The following SPATA13 variants were observed in gnomAD, a reference collection of about 807,000 sequenced individuals.
The protein encoded by SPATA13 is spermatogenesis associated 13.
Under a neutral mutation model 104.0 loss-of-function variants are expected in SPATA13, and 50 were observed. That is an observed-to-expected ratio of 0.48 (90% confidence interval 0.38 to 0.61). The LOEUF is 0.61. Ranked by LOEUF, SPATA13 falls within the 20% of genes least tolerant of loss-of-function variation. The probability of loss-of-function intolerance (pLI) is 0.00; values close to 1 mark genes in which losing one functional copy is unlikely to be tolerated. For missense variants in SPATA13, 1,524 were observed against 1,690.6 expected (o/e 0.90, Z 1.73); for synonymous variants, 606 against 667.5 (o/e 0.91, Z 1.42).
In SPATA13 at chr13:24,030,221, A is replaced by G. The variant is rs1010107817; in HGVS notation, c.-112+12520A>G. Among the ~76,000 whole-genome samples, 11 of 152,150 alleles carry G rather than the reference A, an allele frequency of 7.2e-5. No homozygotes were observed. In the South Asian group the frequency reaches 1.2e-3, roughly 17 times the overall value. On this transcript the variant is annotated intron_variant, in intron 3 of 14. Transcript: ENST00000424834. Reference sequence around the variant, plus strand: ...GTCCCTAGTTGACATTAGGGTTCACACTTGGTGTTGTACATTCACTGGTGT... The same window carrying G: ...GTCCCTAGTTGACATTAGGGTTCACGCTTGGTGTTGTACATTCACTGGTGT...
At chr13:24,078,410 C>T (rs912151) in intron 3 of SPATA13, among the ~76,000 whole-genome samples, 31,488 of 152,176 alleles carry the variant, frequency 0.21, 3,480 homozygotes, top group South Asian at 0.39. Context: ...CTCACAGTAA[C>T]AGTCTGAAGT....
intron 2 of SPATA13, among the ~76,000 whole-genome samples, chr13:23,993,146 G>A (rs17079704): frequency 0.14 from 21,496 of 152,144 alleles, 1,879 homozygotes; most frequent in Admixed American, 0.26. Flanking sequence ...CTGCTGTGGC[G>A]AAGGTCGTGG....
intron 1 of SPATA13, among the ~76,000 whole-genome samples, chr13:24,173,368 GTGT>G (rs1389127528): frequency 0.027 from 522 of 19,230 alleles, 1 homozygote; most frequent in African/African-American, 0.041. Flanking sequence ...TTAGTTGTGT[GTGT>G]GTGTGTGTGT....
In SPATA13 at chr13:24,302,838, G is replaced by A. The variant is rs1488655655; in HGVS notation, c.*65G>A. The A allele has an allele frequency of 2.2e-5, 36 of 1,604,312 alleles. No individual in the cohort carries two copies. The highest frequency in any genetic ancestry group is 2.9e-5 in the Non-Finnish European group (34 of 1,173,746). On this transcript the variant is annotated 3_prime_UTR_variant, in exon 13 of 13. Coordinates refer to ENST00000382108, the MANE Select transcript of SPATA13 (RefSeq NM_001166271.3). ...GAAGAACTGTCTTTGTTTCTTGTGT[G>A]CTTCAATCCAGGGAAAGTTTCTTGG...
At chr13:24,002,955 AT>A (rs1186972110) in intron 2 of SPATA13, among the ~76,000 whole-genome samples, 2 of 151,228 alleles carry the variant, frequency 1.3e-5, no homozygotes, top group Non-Finnish European at 2.9e-5. Context: ...CTTTTTCTGA[AT>A]GTGGGGGGTG....
chr13:24,096,382 G>A (rs1260656472), intron 3 of SPATA13, among the ~76,000 whole-genome samples: 1 of 152,158 alleles, frequency 6.6e-6, no homozygotes, highest in Non-Finnish European at 1.5e-5. Context: ...GATCACCTGA[G>A]GTCAGGGGTT....
chr13:24,136,860 C>T lies in SPATA13; in HGVS notation c.-111-85959C>T, dbSNP rs1247196248. Among the ~76,000 whole-genome samples, 40 of 35,102 alleles carry T rather than the reference C, an allele frequency of 1.1e-3. 15 individuals carry two copies. Among genetic ancestry groups the T allele is most frequent in the Non-Finnish European group, 6.4e-5 (1 of 15,628 alleles). 23.0% of individuals were successfully genotyped at this position (35,102 alleles called of 152,430 possible). A position where few individuals can be genotyped will look rare whatever the true frequency, so the allele number is the denominator to read the frequency against. Reference sequence around the variant, plus strand: ...TTATTTTTTTTTTGAGACGGAGTCTCGCTCTGTCGCCCAGGCTGGAGTGCA... The same window carrying T: ...TTATTTTTTTTTTGAGACGGAGTCTTGCTCTGTCGCCCAGGCTGGAGTGCA... On this transcript the variant is annotated intron_variant, in intron 3 of 14. Transcript: ENST00000424834.
rs540430222 is a variant in SPATA13 at position 24,283,436 on chromosome 13, C to T, written c.2165-699C>T. Among the ~76,000 whole-genome samples the T allele has an allele frequency of 8.9e-4, 136 of 152,300 alleles. 1 individual carries two copies. The highest frequency in any genetic ancestry group is 3.2e-3 in the African/African-American group (133 of 41,580). On this transcript the variant is annotated intron_variant, in intron 4 of 12. Transcript: ENST00000382108. ...ACATCCCTGAACTTGCACAGGAGGA[C>T]TGAGGCCATGAGTCTGAAAGAAGAG...
In SPATA13 at chr13:24,304,070, G is replaced by A. The variant is rs1877405395; in HGVS notation, c.*1297G>A. ...TCGTCCTTAGCAATGAAGTCACAAA[G>A]ACAGCCAAAGCAGTCCTGCTTCTTG... is the stretch of plus-strand genomic sequence containing the variant. On this transcript the variant is annotated 3_prime_UTR_variant, in exon 13 of 13. Coordinates refer to ENST00000382108, the MANE Select transcript of SPATA13 (RefSeq NM_001166271.3). The A allele has an allele frequency of 6.6e-6, 1 of 152,210 alleles. No individual in the cohort carries two copies. Among genetic ancestry groups the A allele is most frequent in the African/African-American group, 2.4e-5 (1 of 41,446 alleles). The allele number at this position is 152,210 out of a possible 1,614,324, so 9.4% of individuals were successfully genotyped here. A position where few individuals can be genotyped will look rare whatever the true frequency, so the allele number is the denominator to read the frequency against.
chr13:24,216,516 T>C (rs1457286562), intron 1 of SPATA13, among the ~76,000 whole-genome samples: 1 of 152,206 alleles, frequency 6.6e-6, no homozygotes, highest in Non-Finnish European at 1.5e-5. Context: ...TTCACAAACA[T>C]TGAACTTCAG....
chr13:23,985,940 T>C (rs1215206301), intron 2 of SPATA13, among the ~76,000 whole-genome samples: 1 of 152,078 alleles, frequency 6.6e-6, no homozygotes, highest in Admixed American at 6.6e-5. Flanking sequence ...GTACTAAGTA[T>C]CCCCTGGATT....
chr13:24,181,885 C>G (rs1052083547), intron 1 of SPATA13, among the ~76,000 whole-genome samples: 1 of 151,308 alleles, frequency 6.6e-6, no homozygotes, highest in Admixed American at 6.6e-5. Context: ...GAGGCCAAGA[C>G]GGGTGGATCA....
chr13:24,016,130 T>A (rs773645806), intron 2 of SPATA13, among the ~76,000 whole-genome samples: 2 of 152,174 alleles, frequency 1.3e-5, no homozygotes, highest in Non-Finnish European at 2.9e-5. Flanking sequence ...TCTGCGTATG[T>A]CTTTCTCAGA....
intron 4 of SPATA13, among the ~76,000 whole-genome samples, chr13:24,276,248 A>G (rs949356336): frequency 2.6e-5 from 4 of 152,244 alleles, no homozygotes; most frequent in African/African-American, 9.6e-5. Flanking sequence ...TATACTCACA[A>G]TGGAATATTT....
At chr13:24,186,705 A>C (rs974607107) in intron 1 of SPATA13, among the ~76,000 whole-genome samples, 13 of 152,170 alleles carry the variant, frequency 8.5e-5, no homozygotes, top group African/African-American at 2.4e-4. Flanking sequence ...AATTTTCTGC[A>C]CAGAAAATAC....
intron 2 of SPATA13, among the ~76,000 whole-genome samples, chr13:23,988,805 T>G (rs1357036935): frequency 1.3e-5 from 2 of 152,244 alleles, no homozygotes; most frequent in African/African-American, 4.8e-5. Flanking sequence ...TTTCCTTTGT[T>G]CATTTGTCAG....
intron 4 of SPATA13, among the ~76,000 whole-genome samples, chr13:24,271,369 A>G (rs1874599494): frequency 6.6e-6 from 1 of 152,122 alleles, no homozygotes; most frequent in Non-Finnish European, 1.5e-5. Flanking sequence ...GTGTATAAGA[A>G]TGTTTCTTGC....
Position 24,222,830 on chromosome 13 carries a change from C to T in SPATA13, c.-100C>T. 1 of 1,520,790 alleles carries T rather than the reference C, an allele frequency of 6.6e-7. No homozygotes were observed. Among genetic ancestry groups the T allele is most frequent in the African/African-American group, 1.4e-5 (1 of 72,468 alleles). The allele number at this position is 1,520,790 out of a possible 1,614,324, so 94.2% of individuals were successfully genotyped here. A position where few individuals can be genotyped will look rare whatever the true frequency, so the allele number is the denominator to read the frequency against. On this transcript the variant is annotated 5_prime_UTR_variant, in exon 2 of 13. Transcript: ENST00000382108. ...GTCTTTCACTGCAGCCCGTGGCCAC[C>T]CAGGAGCCCGATGTGCAAGGCAGGT...
rs1387668373 is a variant in SPATA13 at position 24,190,164 on chromosome 13, ATAT to A, written c.-112+29233_-112+29235del. Among the ~76,000 whole-genome samples the A allele has an allele frequency of 2.8e-4, 28 of 98,372 alleles. 13 individuals carry two copies. In the South Asian group the frequency reaches 7.9e-3, roughly 28 times the overall value. The allele number at this position is 98,372 out of a possible 152,430, so 64.5% of individuals were successfully genotyped here. A position where few individuals can be genotyped will look rare whatever the true frequency, so the allele number is the denominator to read the frequency against. ...TATTATTATATAACATATATATAAT[ATAT>A]ATTATTATATAACATATCATATATA... On this transcript the variant is annotated intron_variant, in intron 1 of 12. Transcript: ENST00000382108.
Sources: gnomAD v4.1 joint callset for allele counts (sites outside exome capture counted in the v4.1 genomes callset) on GRCh38, gnomAD v4.1.1 for gene constraint, MANE v1.5 for transcripts, NCBI Gene and HGNC (gene_info 2026-07-23, HGNC 2026-07-21) for gene names.